LPAR4: variants seen among roughly 807,000 people sequenced by gnomAD.
The protein encoded by LPAR4 is G-protein coupled receptor 23.
In LPAR4, 14 loss-of-function variants were observed where a neutral mutation model predicts 9.2. The observed-to-expected ratio is 1.51, with a 90% CI of 1.00 to 2.37. The LOEUF is 2.37. Among genes scored for constraint, LPAR4 ranks in the 30% most tolerant of loss-of-function variants. The pLI is 0.00. For synonymous variants in LPAR4, 131 were observed against 97.9 expected (o/e 1.34, Z -1.99); for missense variants, 251 against 272.1 (o/e 0.92, Z 0.55).
Position 78,750,239 on chromosome X carries a change from C to T in LPAR4, c.-245+16C>T, listed in dbSNP as rs1171836782. 9.0e-6 allele frequency: 1 copy of T among 111,016 alleles called. No individual in the cohort carries two copies. Among genetic ancestry groups the T allele is most frequent in the East Asian group, 2.8e-4 (1 of 3,564 alleles). The allele number at this position is 111,016 out of a possible 1,213,427, so 9.1% of individuals were successfully genotyped here. A position where few individuals can be genotyped will look rare whatever the true frequency, so the allele number is the denominator to read the frequency against. On this transcript the variant is annotated intron_variant, in intron 2 of 4. Coordinates refer to ENST00000614823, the MANE Select transcript of LPAR4 (RefSeq NM_001278000.3). ...TAATATTAAGGTGATCTCAATGTAT[C>T]TTAAATTATCTAATCATTGTACTTA...
chrX:78,755,512 A>T lies in LPAR4; in HGVS notation c.643A>T (p.Ile215Phe). 1 of 1,207,505 alleles carries T rather than the reference A, an allele frequency of 8.3e-7. No individual in the cohort carries two copies. Among genetic ancestry groups the T allele is most frequent in the Non-Finnish European group, 1.1e-6 (1 of 892,023 alleles). Residue 215 changes from isoleucine (I) to phenylalanine (F), a missense_variant, in exon 5 of 5, where the codon ATT becomes TTT. Physicochemically the swap from Ile to Phe is conservative, Grantham distance 21. Coordinates refer to ENST00000614823, the MANE Select transcript of LPAR4 (RefSeq NM_001278000.3). ...ATTTATTGAAGTTGTTGGGTTTATC[A>T]TTCCTCTAATATTGAATGTCTCTTG... ...TIFIEVVGFI[I>F]PLILNVSCSS...
At position 78,755,701 on chromosome X, in the gene LPAR4, C is replaced by A. The variant is rs769546575; in HGVS notation, c.832C>A (p.Gln278Lys). ...CTTCTTGTATGCCCTGGTGCGCTCC[C>A]AAGCTATTACTAATTGCTTTTTGGA... The part of the protein sequence containing the change: ...VLFLYALVRS[Q>K]AITNCFLERF... Residue 278 changes from glutamine to lysine, a missense_variant, in exon 5 of 5, where the codon CAA (glutamine) becomes AAA (lysine). Coordinates refer to ENST00000614823, the MANE Select transcript of LPAR4 (RefSeq NM_001278000.3). The A allele has an allele frequency of 5.0e-6, 6 of 1,210,128 alleles. No individual in the cohort carries two copies. Among genetic ancestry groups the A allele is most frequent in the Non-Finnish European group, 6.7e-6 (6 of 894,308 alleles).
At position 78,754,926 on chromosome X, in the gene LPAR4, A is replaced by C. The variant is rs776634802; in HGVS notation, c.57A>C (p.Arg19Ser). Reference sequence around the variant, plus strand: ...TCCAAGATTCAAATTCAAGCCTCAGACCCAGGTTGGGCAATGCTACTGCCA... The same window carrying C: ...TCCAAGATTCAAATTCAAGCCTCAGCCCCAGGTTGGGCAATGCTACTGCCA... ...FQFQDSNSSL[R>S]PRLGNATANN... Residue 19 changes from arginine to serine, a missense_variant, in exon 5 of 5, where the codon AGA becomes AGC. Arg to Ser is a moderately radical substitution (Grantham distance 110). Coordinates refer to ENST00000614823, the MANE Select transcript of LPAR4 (RefSeq NM_001278000.3). The C allele has an allele frequency of 1.2e-5, 14 of 1,206,516 alleles. No individual in the cohort carries two copies. Among genetic ancestry groups the C allele is most frequent in the Non-Finnish European group, 1.6e-5 (14 of 892,653 alleles).
intron 3 of LPAR4, 54 bp downstream of exon 3, chrX:78,750,846 G>C (rs773791661): frequency 9.0e-6 from 1 of 110,676 alleles, no homozygotes; most frequent in African/African-American, 3.3e-5. Flanking sequence ...TTAATGTAAT[G>C]CATTACCTTA....
rs1481828055 is a variant in LPAR4 at position 78,755,459 on chromosome X, G to A, written c.590G>A (p.Trp197Ter). ...TCFEGFSKRV[W>*]KTYLSKITIF... Reference sequence around the variant, plus strand: ...TTTGAAGGCTTCTCCAAACGTGTCTGGAAGACTTATTTATCCAAGATCACA... The same window carrying A: ...TTTGAAGGCTTCTCCAAACGTGTCTAGAAGACTTATTTATCCAAGATCACA... The change falls in exon 5 of 5, where the codon TGG (tryptophan) becomes TAG (stop). Residue 197 changes from tryptophan (W) to a stop codon, truncating the protein, a stop_gained. Transcript: ENST00000614823. LOFTEE classifies it high-confidence loss of function. 6 of 1,209,676 alleles carry A rather than the reference G, an allele frequency of 5.0e-6. No individual in the cohort carries two copies. Among genetic ancestry groups the A allele is most frequent in the Non-Finnish European group, 6.7e-6 (6 of 894,154 alleles).
chrX:78,755,712 T>C lies in LPAR4; in HGVS notation c.843T>C (p.Thr281=), dbSNP rs1569555885. The C allele has an allele frequency of 8.3e-7, 1 of 1,211,056 alleles. No homozygotes were observed. Among genetic ancestry groups the C allele is most frequent in the Non-Finnish European group, 1.1e-6 (1 of 895,071 alleles). Residue 281 remains threonine, a synonymous_variant, in exon 5 of 5, where the codon ACT becomes ACC. Coordinates refer to ENST00000614823, the MANE Select transcript of LPAR4 (RefSeq NM_001278000.3). The stretch of plus-strand genomic sequence containing the variant: ...CCCTGGTGCGCTCCCAAGCTATTAC[T>C]AATTGCTTTTTGGAAAGATTTGCAA... ...LYALVRSQAI[T]NCFLERFAKI... is the part of the protein sequence containing the mutation.
chrX:78,757,120 A>T lies in LPAR4; in HGVS notation c.*1138A>T, dbSNP rs766133772. On this transcript the variant is annotated 3_prime_UTR_variant, in exon 5 of 5. Coordinates refer to ENST00000614823, the MANE Select transcript of LPAR4 (RefSeq NM_001278000.3). Reference sequence around the variant, plus strand: ...CACATAAACTAAACCAAACCAAAACAAAAAAACCAGAGAACCCCAAGAAAA... The same window carrying T: ...CACATAAACTAAACCAAACCAAAACTAAAAAACCAGAGAACCCCAAGAAAA... 1 of 121,383 alleles carries T rather than the reference A, an allele frequency of 8.2e-6. No individual in the cohort carries two copies. The highest frequency in any genetic ancestry group is 9.7e-5 in the Admixed American group (1 of 10,315). 10.0% of individuals were successfully genotyped at this position (121,383 alleles called of 1,213,427 possible). A position where few individuals can be genotyped will look rare whatever the true frequency, so the allele number is the denominator to read the frequency against.
chrX:78,750,447 G>A lies in LPAR4; in HGVS notation c.-245+224G>A, dbSNP rs774691846. On this transcript the variant is annotated intron_variant, in intron 2 of 4. Transcript: ENST00000614823. Reference sequence around the variant, plus strand: ...ACTGTAATGGGTAAATTCTAAATGCGGTTGCTACTCCTAAGAATTCCATCG... The same window carrying A: ...ACTGTAATGGGTAAATTCTAAATGCAGTTGCTACTCCTAAGAATTCCATCG... Among the ~76,000 whole-genome samples, 5 of 111,501 alleles carry A rather than the reference G, an allele frequency of 4.5e-5. No homozygotes were observed. In the South Asian group the frequency reaches 1.1e-3, roughly 25 times the overall value.
intron 1 of LPAR4, among the ~76,000 whole-genome samples, chrX:78,748,810 C>A (rs1924940931): frequency 8.9e-6 from 1 of 111,748 alleles, no homozygotes; most frequent in South Asian, 3.7e-4. Context: ...CAAAATTATA[C>A]CATCTTTCTT....
rs995197468 is a variant in LPAR4, at chrX:78,749,587, T to C, written c.-294-587T>C. On this transcript the variant is annotated intron_variant, in intron 1 of 4. Coordinates refer to ENST00000614823, the MANE Select transcript of LPAR4 (RefSeq NM_001278000.3). ...AAACAATTAGAGGTGATATGCCTGCTGAAATGAGCACAAGGACAGAGGATG... is the reference window on the plus strand; with the variant it reads ...AAACAATTAGAGGTGATATGCCTGCCGAAATGAGCACAAGGACAGAGGATG... Among the ~76,000 whole-genome samples the C allele has an allele frequency of 6.8e-4, 76 of 111,296 alleles. 1 individual carries two copies. The highest frequency in any genetic ancestry group is 2.4e-3 in the African/African-American group (75 of 30,677).
In LPAR4 at chrX:78,752,306, A is replaced by G. The variant is rs1202761417; in HGVS notation, c.-80+995A>G. Among the ~76,000 whole-genome samples the G allele has an allele frequency of 2.7e-5, 3 of 112,162 alleles. No homozygotes were observed. In the East Asian group the frequency reaches 8.4e-4, roughly 32 times the overall value. On this transcript the variant is annotated intron_variant, in intron 4 of 4. Transcript: ENST00000614823. ...TTTGTTTCAAAAACTATTATGAAGC[A>G]TCAACCAATGTATAGGAACACTGAT...
At position 78,754,937 on chromosome X, in the gene LPAR4, G is replaced by A. The variant is rs1389686103; in HGVS notation, c.68G>A (p.Gly23Asp). 2.5e-6 allele frequency: 3 copies of A among 1,202,944 alleles called. No individual in the cohort carries two copies. In the Admixed American group the frequency reaches 6.6e-5, roughly 26 times the overall value. Residue 23 changes from glycine (G) to aspartate (D), a missense_variant, in exon 5 of 5, where the codon GGC (glycine) becomes GAC (aspartate). Physicochemically the swap from Gly to Asp is moderately conservative, Grantham distance 94. Transcript: ENST00000614823. ...DSNSSLRPRL[G>D]NATANNTCIV... ...AATTCAAGCCTCAGACCCAGGTTGG[G>A]CAATGCTACTGCCAATAATACTTGC... is the stretch of plus-strand genomic sequence containing the variant.
At chrX:78,754,011 C>T (rs1046221734) in intron 4 of LPAR4, among the ~76,000 whole-genome samples, 2 of 111,414 alleles carry the variant, frequency 1.8e-5, no homozygotes, top group Non-Finnish European at 3.8e-5. Context: ...AGCAGAAGTG[C>T]CAGGCATTTG....
Position 78,758,492 on chromosome X carries a change from A to C in LPAR4, c.*2510A>C, listed in dbSNP as rs1048200555. Among the ~76,000 whole-genome samples the C allele has an allele frequency of 9.0e-6, 1 of 111,565 alleles. No individual in the cohort carries two copies. The highest frequency in any genetic ancestry group is 3.6e-4 in the South Asian group (1 of 2,740). On this transcript the variant is annotated 3_prime_UTR_variant, in exon 5 of 5. Coordinates refer to ENST00000614823, the MANE Select transcript of LPAR4 (RefSeq NM_001278000.3). ...TGTTTCTTGTGTAATTTCCATGTTT[A>C]GTTTTAATTTTTTTATATTTCACTT...
At position 78,755,628 on chromosome X, in the gene LPAR4, A is replaced by G; in HGVS notation, c.759A>G (p.Val253=). 1.7e-6 allele frequency: 2 copies of G among 1,210,215 alleles called. No individual in the cohort carries two copies. The highest frequency in any genetic ancestry group is 1.1e-6 in the Non-Finnish European group (1 of 894,338). The stretch of plus-strand genomic sequence containing the variant: ...AAAAAGTACTGAAAATGATCACAGT[A>G]CATATGGCAGTCTTTGTGGTATGCT... ...NKKKVLKMIT[V]HMAVFVVCFV... is the part of the protein sequence containing the mutation. The change falls in exon 5 of 5, where the codon GTA becomes GTG. Residue 253 remains valine, a synonymous_variant. Coordinates refer to ENST00000614823, the MANE Select transcript of LPAR4 (RefSeq NM_001278000.3).
chrX:78,755,598 T>C lies in LPAR4; in HGVS notation c.729T>C (p.Asn243=). ...KPATLSQIGT[N]KKKVLKMITV... ...CTACTCTGTCTCAAATTGGGACCAA[T>C]AAGAAAAAAGTACTGAAAATGATCA... is the stretch of plus-strand genomic sequence containing the variant. Residue 243 remains asparagine (N), a synonymous_variant, in exon 5 of 5, where the codon AAT becomes AAC. Transcript: ENST00000614823. 8.3e-7 allele frequency: 1 copy of C among 1,210,850 alleles called. No individual in the cohort carries two copies. The highest frequency in any genetic ancestry group is 1.1e-6 in the Non-Finnish European group (1 of 895,006).
chrX:78,750,862 G>A (rs1014229791), intron 3 of LPAR4, 70 bp downstream of exon 3: 7 of 111,031 alleles, frequency 6.3e-5, no homozygotes, highest in Admixed American at 4.8e-4. Flanking sequence ...CCTTATGGAA[G>A]TGGAGGAAAT....
chrX:78,754,745 G>T, intron 4 of LPAR4, 46 bp from the exon 5 acceptor site: 1 of 529,336 alleles, frequency 1.9e-6, no homozygotes, highest in Non-Finnish European at 2.9e-6. Context: ...CAGAAATCAT[G>T]GATGGAAGGC....
chrX:78,757,568 G>A lies in LPAR4; in HGVS notation c.*1586G>A, dbSNP rs1306113862. On this transcript the variant is annotated 3_prime_UTR_variant, in exon 5 of 5. Coordinates refer to ENST00000614823, the MANE Select transcript of LPAR4 (RefSeq NM_001278000.3). Reference sequence around the variant, plus strand: ...GCAAAAATCTTTAAAACTCTTACTAGTTTTTAAACTAAAGTGGATATTTAA... The same window carrying A: ...GCAAAAATCTTTAAAACTCTTACTAATTTTTAAACTAAAGTGGATATTTAA... Among the ~76,000 whole-genome samples the A allele has an allele frequency of 9.0e-6, 1 of 111,468 alleles. No homozygotes were observed. The highest frequency in any genetic ancestry group is 3.7e-4 in the South Asian group (1 of 2,723).
Sources: gnomAD v4.1 joint callset for allele counts (sites outside exome capture counted in the v4.1 genomes callset) on GRCh38, gnomAD v4.1.1 for gene constraint, MANE v1.5 for transcripts, NCBI Gene and HGNC (gene_info 2026-07-23, HGNC 2026-07-21) for gene names.